SCARB2: variants seen among roughly 807,000 people sequenced by gnomAD.
The protein encoded by SCARB2 is scavenger receptor class B member 2.
Under a neutral mutation model 58.6 loss-of-function variants are expected in SCARB2, and 29 were observed. The observed-to-expected ratio is 0.49, with a 90% CI of 0.37 to 0.67. The LOEUF (loss-of-function observed/expected upper bound fraction) is 0.67. SCARB2 is among the 30% of genes least tolerant of loss of function. SCARB2 has a pLI of 0.00. For synonymous variants in SCARB2, 195 were observed against 210.1 expected (o/e 0.93, Z 0.62); for missense variants, 488 against 578.5 (o/e 0.84, Z 1.60).
At chr4:76,199,536 G>C (rs1339382500) in intron 1 of SCARB2, among the ~76,000 whole-genome samples, 3 of 152,188 alleles carry the variant, frequency 2.0e-5, no homozygotes, top group Non-Finnish European at 4.4e-5. Context: ...TGATACATCG[G>C]ACTGAACCGA....
upstream of SCARB2, among the ~76,000 whole-genome samples, chr4:76,216,930 G>A (rs1170416780): frequency 2.6e-5 from 4 of 152,222 alleles, no homozygotes; most frequent in Admixed American, 6.5e-5. Flanking sequence ...TCTTATCACC[G>A]AGGCTGGCAT....
At chr4:76,219,834 C>G (rs1733278393) in intron 1 of SCARB2, among the ~76,000 whole-genome samples, 1 of 152,124 alleles carries the variant, frequency 6.6e-6, no homozygotes, top group Non-Finnish European at 1.5e-5. Flanking sequence ...CCACTGCACT[C>G]ACCACATATC....
At position 76,161,393 on chromosome 4, in the gene SCARB2, T is replaced by C; in HGVS notation, c.*320A>G. 1 of 415,942 alleles carries C rather than the reference T, an allele frequency of 2.4e-6. No individual in the cohort carries two copies. The highest frequency in any genetic ancestry group is 4.4e-6 in the Non-Finnish European group (1 of 225,296). The allele number at this position is 415,942 out of a possible 1,614,324, so 25.8% of individuals were successfully genotyped here. Reference sequence around the variant, plus strand: ...AGCATTAACAAGTGATGCAGAGACATTTTACCCACAATAGTGGTCACAAAA... The same window carrying C: ...AGCATTAACAAGTGATGCAGAGACACTTTACCCACAATAGTGGTCACAAAA... On this transcript the variant is annotated 3_prime_UTR_variant, in exon 12 of 12. Coordinates refer to ENST00000264896, the MANE Select transcript of SCARB2 (RefSeq NM_005506.4).
intron 7 of SCARB2, among the ~76,000 whole-genome samples, chr4:76,170,378 T>A (rs1056479106): frequency 2.0e-5 from 3 of 152,148 alleles, no homozygotes; most frequent in Admixed American, 1.3e-4. Flanking sequence ...GTTACAAAAT[T>A]TACCCAGGGA....
chr4:76,176,788 C>T lies in SCARB2; in HGVS notation c.613-260G>A, dbSNP rs566171416. On this transcript the variant is annotated intron_variant, in intron 4 of 11. Transcript: ENST00000264896. ...CTTAGAGGAGGAATTCTCCTCAAGA[C>T]TGCAACATCGAAATTCTGCCTGGAT... 3.9e-5 allele frequency: 14 copies of T among 359,168 alleles called. No individual in the cohort carries two copies. In the South Asian group the frequency reaches 6.2e-4, roughly 16 times the overall value. 22.2% of individuals were successfully genotyped at this position (359,168 alleles called of 1,614,324 possible).
At chr4:76,195,657 AT>A in intron 2 of SCARB2, 49 bp downstream of exon 2, 2 of 1,546,098 alleles carry the variant, frequency 1.3e-6, no homozygotes, top group Non-Finnish European at 1.8e-6. Context: ...CTCAGGCCAT[AT>A]TGGGGTCACT....
At chr4:76,184,802 T>TC in intron 2 of SCARB2, 1 of 352,184 alleles carries the variant, frequency 2.8e-6, no homozygotes, top group Admixed American at 3.7e-5. Context: ...AAAAAAAATT[T>TC]TAATTTAAAA....
In SCARB2 at chr4:76,168,486, A is replaced by G. The variant is rs775534383; in HGVS notation, c.1114-10T>C. 2.5e-5 allele frequency: 41 copies of G among 1,612,256 alleles called. No individual in the cohort carries two copies. The highest frequency in any genetic ancestry group is 3.5e-5 in the Non-Finnish European group (41 of 1,178,654). ...GGATTATTCCAGTCAACTGCAAATCAGAGAAGTGAAAAGGAAACATTAGGA... is the reference window on the plus strand; with the variant it reads ...GGATTATTCCAGTCAACTGCAAATCGGAGAAGTGAAAAGGAAACATTAGGA... On this transcript the variant is annotated splice_polypyrimidine_tract_variant and intron_variant, in intron 8 of 11. Transcript: ENST00000264896.
At chr4:76,202,304 C>G (rs530677813) in intron 1 of SCARB2, among the ~76,000 whole-genome samples, 1 of 152,096 alleles carries the variant, frequency 6.6e-6, no homozygotes, top group Non-Finnish European at 1.5e-5. Context: ...ATTCTGTTGC[C>G]CAGGCTGGAG....
At position 76,197,731 on chromosome 4, in the gene SCARB2, T is replaced by C. The variant is rs149604578; in HGVS notation, c.118-1867A>G. On this transcript the variant is annotated intron_variant, in intron 1 of 11. Coordinates refer to ENST00000264896, the MANE Select transcript of SCARB2 (RefSeq NM_005506.4). ...ACAAAAATAATATAAAAGCACAGAC[T>C]GCAAATAAACAAACCAAAATGTGAA... 3.1e-3 allele frequency among the ~76,000 whole-genome samples: 465 copies of C among 152,300 alleles called. 1 individual carries two copies. The highest frequency in any genetic ancestry group is 0.01 in the Middle Eastern group (3 of 294).
intron 11 of SCARB2, chr4:76,162,843 G>A (rs898253069): frequency 1.2e-5 from 5 of 401,424 alleles, no homozygotes; most frequent in African/African-American, 1.0e-4. Flanking sequence ...AGTTTCTAGG[G>A]TCGTATAGCT....
rs114017776 is a variant in SCARB2 at position 76,229,414 on chromosome 4, C to T, written c.-358+4889G>A. Reference sequence around the variant, plus strand: ...TGTGGTTTTGTGGGGTGTTATAGAACCTTGTTTTGTCATATTACCAGAATT... The same window carrying T: ...TGTGGTTTTGTGGGGTGTTATAGAATCTTGTTTTGTCATATTACCAGAATT... On this transcript the variant is annotated intron_variant, in intron 1 of 11. Coordinates refer to the SCARB2 transcript ENST00000638295. Among the ~76,000 whole-genome samples, 671 of 152,238 alleles carry T rather than the reference C, an allele frequency of 4.4e-3. 4 individuals are homozygous for T. Among genetic ancestry groups the T allele is most frequent in the African/African-American group, 0.016 (644 of 41,522 alleles).
chr4:76,169,321 C>T (rs978998540), intron 8 of SCARB2, among the ~76,000 whole-genome samples: 3 of 138,718 alleles, frequency 2.2e-5, no homozygotes, highest in Admixed American at 6.9e-5. Flanking sequence ...GTATTATACA[C>T]ACACACACAC....
At chr4:76,217,615 T>C, upstream of SCARB2, 1 of 622,686 alleles carries the variant, frequency 1.6e-6, no homozygotes, top group Non-Finnish European at 2.9e-6. Flanking sequence ...CCAATGCAGA[T>C]GTCTGTGCCG....
chr4:76,184,376 T>C (rs1181580168), intron 2 of SCARB2, among the ~76,000 whole-genome samples: 1 of 152,226 alleles, frequency 6.6e-6, no homozygotes, highest in African/African-American at 2.4e-5. Context: ...ACAAAGAATA[T>C]ATTTAAAAAT....
chr4:76,211,368 C>T (rs1167672965), intron 1 of SCARB2, among the ~76,000 whole-genome samples: 1 of 137,594 alleles, frequency 7.3e-6, no homozygotes, highest in East Asian at 2.4e-4. Flanking sequence ...AGTTATTTGA[C>T]GTAAGTCATA....
At chr4:76,163,883 G>C (rs927004662) in intron 10 of SCARB2, 8 of 200,360 alleles carry the variant, frequency 4.0e-5, no homozygotes, top group Non-Finnish European at 8.2e-5. Flanking sequence ...CTCCACACTG[G>C]GTATAGCACC....
At chr4:76,211,092 T>C (rs1196837068) in intron 1 of SCARB2, among the ~76,000 whole-genome samples, 2 of 152,238 alleles carry the variant, frequency 1.3e-5, no homozygotes, top group Non-Finnish European at 2.9e-5. Context: ...CTATGCTAAG[T>C]GCTTTATACT....
At chr4:76,172,838 T>C (rs1732160912) in intron 7 of SCARB2, 1 of 151,888 alleles carries the variant, frequency 6.6e-6, no homozygotes, top group Non-Finnish European at 1.5e-5. Flanking sequence ...TAAAATGAGA[T>C]AGATAAGGGA....
Sources: gnomAD v4.1 joint callset for allele counts (sites outside exome capture counted in the v4.1 genomes callset) on GRCh38, gnomAD v4.1.1 for gene constraint, MANE v1.5 for transcripts, NCBI Gene and HGNC (gene_info 2026-07-23, HGNC 2026-07-21) for gene names.